Variants in RAD17 observed in about 807,000 individuals in gnomAD.
The protein encoded by RAD17 is cell cycle checkpoint protein RAD17.
RAD17 carries 31 observed loss-of-function variants against 81.5 expected under a neutral mutation model. The observed-to-expected ratio is 0.38, with a 90% CI of 0.29 to 0.51. The LOEUF (loss-of-function observed/expected upper bound fraction) is 0.51, where lower values mean the gene tolerates loss of function less well. Ranked by LOEUF, RAD17 falls within the 20% of genes least tolerant of loss-of-function variation. The pLI, the probability that RAD17 is intolerant of heterozygous loss-of-function variation, is 0.88. For missense variants in RAD17, 681 were observed against 781.2 expected, an observed-to-expected ratio of 0.87 and a Z score of 1.53; for synonymous variants, 261 against 266.2, an observed-to-expected ratio of 0.98 and a Z score of 0.19.
intron 17 of RAD17, among the ~76,000 whole-genome samples, chr5:69,401,212 A>C (rs1765244411): frequency 6.6e-6 from 1 of 152,234 alleles, no homozygotes. Context: ...TCTCAGAAAA[A>C]AGAAAAAAGT....
At chr5:69,391,517 A>G (rs766527086) in intron 12 of RAD17, among the ~76,000 whole-genome samples, 5 of 152,188 alleles carry the variant, frequency 3.3e-5, no homozygotes, top group Non-Finnish European at 5.9e-5. Context: ...TTGGCACTGC[A>G]AGTTTCATAT....
chr5:69,378,123 C>G lies in RAD17; in HGVS notation c.351+3412C>G, dbSNP rs147284092. Among the ~76,000 whole-genome samples, 53 of 152,204 alleles carry G rather than the reference C, an allele frequency of 3.5e-4. 1 individual carries two copies. In the East Asian group the frequency reaches 9.6e-3, roughly 28 times the overall value. ...CCCAAATCACTTACCATTTATTTTA[C>G]AGAAGTTTCAGGGATGTCAGTAATT... is the stretch of plus-strand genomic sequence containing the variant. On this transcript the variant is annotated intron_variant, in intron 6 of 18. Coordinates refer to ENST00000354868, the MANE Select transcript of RAD17 (RefSeq NM_133338.3).
intron 16 of RAD17, among the ~76,000 whole-genome samples, chr5:69,398,130 A>C (rs1257357591): frequency 6.6e-6 from 1 of 151,828 alleles, no homozygotes; most frequent in Non-Finnish European, 1.5e-5. Flanking sequence ...AAAAAAAAAG[A>C]AAATCACTAA....
intron 16 of RAD17, among the ~76,000 whole-genome samples, chr5:69,397,745 G>A (rs563340646): frequency 3.3e-5 from 5 of 152,246 alleles, no homozygotes; most frequent in South Asian, 2.1e-4. Flanking sequence ...ACGGAGCCTC[G>A]CTGGCCAGGA....
chr5:69,405,260 C>G (rs1580435955), intron 17 of RAD17, among the ~76,000 whole-genome samples: 1 of 151,068 alleles, frequency 6.6e-6, no homozygotes, highest in Admixed American at 6.6e-5. Flanking sequence ...TCCCAGCACT[C>G]TGGGAGGCTG....
intron 4 of RAD17, among the ~76,000 whole-genome samples, chr5:69,373,579 C>T (rs570697451): frequency 6.6e-6 from 1 of 151,578 alleles, no homozygotes; most frequent in Non-Finnish European, 1.5e-5. Flanking sequence ...GTGGTGCATG[C>T]CTGTAGTCCC....
chr5:69,385,174 A>G (rs1054447602), intron 8 of RAD17, among the ~76,000 whole-genome samples: 2 of 148,348 alleles, frequency 1.3e-5, no homozygotes, highest in African/African-American at 2.5e-5. Flanking sequence ...GTTAGCCAGG[A>G]TGGTCTCGAT....
At position 69,385,454 on chromosome 5, in the gene RAD17, A is replaced by G. The variant is rs1372160437; in HGVS notation, c.645+521A>G. ...CCGGCCTAATTTTTGTATATTTAGTAGAGATGGAGTTTTGCCACGTTGGCC... is the reference window on the plus strand; with the variant it reads ...CCGGCCTAATTTTTGTATATTTAGTGGAGATGGAGTTTTGCCACGTTGGCC... On this transcript the variant is annotated intron_variant, in intron 8 of 18. Coordinates refer to ENST00000354868, the MANE Select transcript of RAD17 (RefSeq NM_133338.3). 2.0e-5 allele frequency among the ~76,000 whole-genome samples: 3 copies of G among 151,808 alleles called. No individual in the cohort carries two copies. The East Asian group carries it at 5.8e-4, about 30-fold the overall frequency.
chr5:69,384,836 C>T lies in RAD17; in HGVS notation c.548C>T (p.Ala183Val), dbSNP rs752517821. The change falls in exon 8 of 19, where the codon GCA (alanine) becomes GTA (valine). Residue 183 changes from alanine to valine, a missense_variant. By Grantham distance (64) the Ala-to-Val change is moderately conservative (BLOSUM62 0). Coordinates refer to ENST00000354868, the MANE Select transcript of RAD17 (RefSeq NM_133338.3). ...ATGTTTCCCTATCAGTCTCAGATAGCAGTTTTCAAAGAGTTTCTACTAAGA... is the reference window on the plus strand; with the variant it reads ...ATGTTTCCCTATCAGTCTCAGATAGTAGTTTTCAAAGAGTTTCTACTAAGA... ...FHMFPYQSQI[A>V]VFKEFLLRAT... is the part of the protein sequence containing the mutation. 1.9e-6 allele frequency: 3 copies of T among 1,611,966 alleles called. No homozygotes were observed. The highest frequency in any genetic ancestry group is 4.5e-5 in the East Asian group (2 of 44,834).
At chr5:69,373,711 TTTTTTA>T (rs767877548) in intron 4 of RAD17, 113 bp from the exon 5 acceptor site, 22,058 of 434,172 alleles carry the variant, frequency 0.051, 1,099 homozygotes, top group South Asian at 0.1. Context: ...TTTTTTTTTT[TTTTTTA>T]AGTTTTAAAG....
At chr5:69,382,801 AATTTT>A (rs544569782) in intron 7 of RAD17, among the ~76,000 whole-genome samples, 15 of 152,184 alleles carry the variant, frequency 9.9e-5, no homozygotes, top group Middle Eastern at 3.4e-3. Flanking sequence ...TAATAGTAAC[AATTTT>A]ATTTATTTTT....
In RAD17 at chr5:69,391,986, G is replaced by A. The variant is rs773665850; in HGVS notation, c.1162G>A (p.Ala388Thr). The change falls in exon 13 of 19, where the codon GCT becomes ACT. Residue 388 changes from alanine to threonine, a missense_variant. Ala to Thr is a moderately conservative substitution (Grantham distance 58). Coordinates refer to ENST00000354868, the MANE Select transcript of RAD17 (RefSeq NM_133338.3). ...AGATGTTTCTCTGTTTCTCTTCAGA[G>A]CTTTGGGGAAAATTCTATATTGTAA... ...GKDVSLFLFR[A>T]LGKILYCKRA... 1.1e-5 allele frequency: 17 copies of A among 1,549,940 alleles called. No homozygotes were observed. Among genetic ancestry groups the A allele is most frequent in the African/African-American group, 2.8e-5 (2 of 70,356 alleles).
chr5:69,414,619 G>C lies in RAD17; in HGVS notation c.*327G>C. The C allele has an allele frequency of 5.6e-6, 2 of 355,744 alleles. No individual in the cohort carries two copies. Among genetic ancestry groups the C allele is most frequent in the Non-Finnish European group, 1.0e-5 (2 of 194,790 alleles). 22.0% of individuals were successfully genotyped at this position (355,744 alleles called of 1,614,324 possible). On this transcript the variant is annotated 3_prime_UTR_variant, in exon 19 of 19. Transcript: ENST00000354868. ...TCAGGATGCAAAAACGTTATTGGGG[G>C]GTTGTAAATATCAACTATTCAACAG...
At chr5:69,374,810 A>G (rs1367601540) in intron 6 of RAD17, 99 bp downstream of exon 6, 1 of 1,028,532 alleles carries the variant, frequency 9.7e-7, no homozygotes, top group Admixed American at 2.5e-5. Context: ...TTTGTTCAAA[A>G]TAAGTCTAGA....
intron 16 of RAD17, among the ~76,000 whole-genome samples, chr5:69,399,845 G>A (rs1044346485): frequency 1.3e-5 from 2 of 152,076 alleles, no homozygotes; most frequent in African/African-American, 4.8e-5. Context: ...GAATAGTTGT[G>A]TAGGTAAAAT....
At chr5:69,403,078 A>G (rs145047417) in intron 17 of RAD17, among the ~76,000 whole-genome samples, 27 of 152,320 alleles carry the variant, frequency 1.8e-4, no homozygotes, top group Middle Eastern at 3.4e-3. Context: ...GCCTCAAGCA[A>G]TCCTCTTGCC....
intron 17 of RAD17, among the ~76,000 whole-genome samples, chr5:69,406,677 A>ATT (rs955826712): frequency 6.8e-6 from 1 of 146,788 alleles, no homozygotes; most frequent in East Asian, 2.0e-4. Flanking sequence ...TAATTTTTGT[A>ATT]TTTTTTTTTT....
intron 16 of RAD17, 26 bp from the exon 17 acceptor site, chr5:69,400,023 A>AT: frequency 6.8e-7 from 1 of 1,472,646 alleles, no homozygotes; most frequent in Non-Finnish European, 9.2e-7. Context: ...TTTTCCTTTC[A>AT]TCTTTTTTTT....
intron 12 of RAD17, 65 bp downstream of exon 12, chr5:69,389,210 A>C (rs17229999): frequency 0.017 from 16,173 of 977,586 alleles, 187 homozygotes; most frequent in Non-Finnish European, 0.021. Context: ...AATTCATTCA[A>C]TGAAATCAAA....
Sources: allele counts gnomAD v4.1 joint callset (sites outside exome capture counted in the v4.1 genomes callset), GRCh38; gene constraint gnomAD v4.1.1; transcripts MANE v1.5; gene names NCBI Gene and HGNC (gene_info 2026-07-23, HGNC 2026-07-21).